Variants in LPP observed in about 807,000 individuals in gnomAD.
The protein encoded by LPP is lipoma-preferred partner.
LPP carries 38 observed loss-of-function variants against 60.4 expected under a neutral mutation model. The ratio of observed to expected loss-of-function variants is 0.63; its 90% CI spans 0.49 to 0.83. The LOEUF (loss-of-function observed/expected upper bound fraction) is 0.83. LPP is among the 40% of genes least tolerant of loss of function. The pLI, the probability that LPP is intolerant of heterozygous loss-of-function variation, is 0.00. For synonymous variants in LPP, 328 were observed against 290.8 expected (o/e 1.13, Z -1.30); for missense variants, 902 against 783.6 (o/e 1.15, Z -1.80).
At chr3:188,695,049 G>A (rs1244514067) in intron 7 of LPP, among the ~76,000 whole-genome samples, 1 of 152,118 alleles carries the variant, frequency 6.6e-6, no homozygotes, top group Non-Finnish European at 1.5e-5. Context: ...TATTATCACG[G>A]TAATCTTTGT....
At chr3:188,392,267 T>G (rs1779888261) in intron 3 of LPP, among the ~76,000 whole-genome samples, 1 of 152,190 alleles carries the variant, frequency 6.6e-6, no homozygotes, top group African/African-American at 2.4e-5. Flanking sequence ...AAAAATGCTG[T>G]AAGGAGGGAA....
intron 6 of LPP, among the ~76,000 whole-genome samples, chr3:188,541,848 G>A (rs1011523791): frequency 2.0e-5 from 3 of 152,086 alleles, no homozygotes; most frequent in African/African-American, 7.2e-5. Flanking sequence ...AGTGGGCCGA[G>A]ATTGCACCCC....
intron 6 of LPP, among the ~76,000 whole-genome samples, chr3:188,561,669 AT>A (rs1830720449): frequency 6.6e-6 from 1 of 151,992 alleles, no homozygotes; most frequent in African/African-American, 2.4e-5. Context: ...TTTCCACCCT[AT>A]TTGGTAAATT....
chr3:188,247,127 T>C (rs1062148), intron 2 of LPP: 512,700 of 969,576 alleles, frequency 0.53, 137,035 homozygotes, highest in Middle Eastern at 0.65. Flanking sequence ...TGAAATGGGG[T>C]AATGAGCTCT....
chr3:188,639,134 A>C (rs1188182540), intron 7 of LPP, among the ~76,000 whole-genome samples: 1 of 152,198 alleles, frequency 6.6e-6, no homozygotes, highest in African/African-American at 2.4e-5. Context: ...GGCTACGGTA[A>C]CCAAAACAGC....
chr3:188,797,404 C>T (rs1577617193), intron 9 of LPP, among the ~76,000 whole-genome samples: 1 of 152,232 alleles, frequency 6.6e-6, no homozygotes, highest in East Asian at 1.9e-4. Flanking sequence ...TCTAGTCCAT[C>T]CTGCCCATGC....
intron 7 of LPP, among the ~76,000 whole-genome samples, chr3:188,612,690 AACTT>A (rs1430313034): frequency 1.3e-5 from 2 of 152,172 alleles, no homozygotes; most frequent in African/African-American, 4.8e-5. Flanking sequence ...ACTGATGGAA[AACTT>A]ACCCTCATGT....
rs201879607 is a variant in LPP, at chr3:188,609,580, G to A, written c.849G>A (p.Pro283=). The change falls in exon 7 of 12, where the codon CCG becomes CCA. Residue 283 remains proline, a synonymous_variant. Transcript: ENST00000617246. The surrounding 1 kb of genome is among the most constrained non-coding windows in gnomAD (Gnocchi z 6.9). ...ACATTCCACCACCAGGACTTCAGCC[G>A]GAGCCTGGGTATGGGTATGCCCCCA... ...YAYIPPPGLQ[P]EPGYGYAPNQ... is the part of the protein sequence containing the mutation. 194 of 1,614,148 alleles carry A rather than the reference G, an allele frequency of 1.2e-4. No homozygotes were observed. Among genetic ancestry groups the A allele is most frequent in the South Asian group, 4.0e-4 (36 of 91,076 alleles).
chr3:188,484,717 G>T lies in LPP; in HGVS notation c.306+13G>T, dbSNP rs1386500256. ...TTTCAAAGTACAGGTAAGAGCTGAA[G>T]TTAAAGTCATGTTAGGTAAGAGCTG... On this transcript the variant is annotated intron_variant, in intron 5 of 11. Coordinates refer to ENST00000617246, the MANE Select transcript of LPP (RefSeq NM_001375462.1). The T allele has an allele frequency of 1.3e-6, 2 of 1,578,506 alleles. No homozygotes were observed. Among genetic ancestry groups the T allele is most frequent in the Admixed American group, 1.7e-5 (1 of 59,936 alleles).
intron 1 of LPP, among the ~76,000 whole-genome samples, chr3:188,195,293 G>A (rs954432885): frequency 8.6e-5 from 13 of 151,934 alleles, no homozygotes; most frequent in Admixed American, 2.0e-4. Flanking sequence ...AGAGGCTGAC[G>A]AAATTTGTGA....
intron 2 of LPP, among the ~76,000 whole-genome samples, chr3:188,239,205 A>G (rs1722970626): frequency 6.6e-6 from 1 of 152,244 alleles, no homozygotes; most frequent in South Asian, 2.1e-4. Flanking sequence ...GCACACCTGC[A>G]GGGATGCCTG....
intron 1 of LPP, chr3:188,178,910 T>C: frequency 1.6e-5 from 4 of 249,634 alleles, no homozygotes. Context: ...CCATCATCAT[T>C]GCAGATTGGT....
intron 4 of LPP, among the ~76,000 whole-genome samples, chr3:188,468,495 A>C (rs976622150): frequency 3.9e-5 from 6 of 152,068 alleles, no homozygotes; most frequent in Non-Finnish European, 5.9e-5. Flanking sequence ...AGACTAGCGG[A>C]CCTCTTTATT....
intron 9 of LPP, among the ~76,000 whole-genome samples, chr3:188,767,373 A>G (rs1219535646): frequency 6.6e-6 from 1 of 152,192 alleles, no homozygotes; most frequent in Admixed American, 6.5e-5. Context: ...TTCATTAAAT[A>G]TCATTATATT....
intron 1 of LPP, among the ~76,000 whole-genome samples, chr3:188,199,444 G>C (rs1730432104): frequency 6.6e-6 from 1 of 151,752 alleles, no homozygotes; most frequent in African/African-American, 2.4e-5. Flanking sequence ...TGGCCAAAAA[G>C]GAGGAACAGA....
intron 9 of LPP, among the ~76,000 whole-genome samples, chr3:188,823,517 T>C (rs1053367894): frequency 2.0e-4 from 30 of 152,240 alleles, no homozygotes; most frequent in African/African-American, 7.2e-4. Context: ...ATGTTGTAAA[T>C]GATAATAAAA....
intron 7 of LPP, among the ~76,000 whole-genome samples, chr3:188,699,286 C>T (rs1328751929): frequency 6.6e-6 from 1 of 152,134 alleles, no homozygotes; most frequent in Non-Finnish European, 1.5e-5. Flanking sequence ...ACCTCACTTT[C>T]CCCCAGCTCA....
At chr3:188,820,295 ATG>A (rs768725378) in intron 9 of LPP, among the ~76,000 whole-genome samples, 7 of 150,676 alleles carry the variant, frequency 4.6e-5, no homozygotes, top group Admixed American at 6.6e-5. Context: ...TTGTGTGTGT[ATG>A]TGTGTGTGTG....
chr3:188,832,567 A>T (rs1217562682), intron 9 of LPP, among the ~76,000 whole-genome samples: 2 of 152,180 alleles, frequency 1.3e-5, no homozygotes, highest in African/African-American at 2.4e-5. Flanking sequence ...TGCCACTGAG[A>T]TTGTTAGCCA....
Sources: gnomAD v4.1 joint callset for allele counts (sites outside exome capture counted in the v4.1 genomes callset) on GRCh38, gnomAD v4.1.1 for gene constraint, Gnocchi (gnomAD v3.1) non-coding constraint, MANE v1.5 for transcripts, NCBI Gene and HGNC (gene_info 2026-07-23, HGNC 2026-07-21) for gene names.